Variants in MCTP1 observed in about 807,000 individuals in gnomAD.
MCTP1 encodes multiple C2 and transmembrane domain containing 1.
A neutral mutation model predicts 120.6 loss-of-function variants in MCTP1; 69 were observed. The ratio of observed to expected loss-of-function variants is 0.57; its 90% CI spans 0.47 to 0.70. MCTP1 has a LOEUF of 0.70. Ranked by LOEUF, MCTP1 falls within the 30% of genes least tolerant of loss-of-function variation. The pLI, the probability that MCTP1 is intolerant of heterozygous loss-of-function variation, is 0.00. For missense variants in MCTP1, 1,203 were observed against 1,248.8 expected (o/e 0.96, Z 0.55); for synonymous variants, 529 against 493.1 (o/e 1.07, Z -0.96).
At chr5:94,730,049 C>T (rs889980401) in intron 19 of MCTP1, among the ~76,000 whole-genome samples, 70 of 152,174 alleles carry the variant, frequency 4.6e-4, no homozygotes, top group African/African-American at 1.6e-3. Context: ...TGGATATATT[C>T]GGGATGTTTT....
At chr5:94,957,567 A>G (rs574393721) in intron 2 of MCTP1, among the ~76,000 whole-genome samples, 226 of 152,240 alleles carry the variant, frequency 1.5e-3, no homozygotes, top group African/African-American at 5.3e-3. Context: ...ATGGAGGAAG[A>G]TTTACCAAGA....
Position 94,707,486 on chromosome 5 carries a change from T to C in MCTP1, c.*10A>G. 2 of 1,607,420 alleles carry C rather than the reference T, an allele frequency of 1.2e-6. No individual in the cohort carries two copies. Among genetic ancestry groups the C allele is most frequent in the Non-Finnish European group, 1.7e-6 (2 of 1,174,582 alleles). Reference sequence around the variant, plus strand: ...AAACAGATGCTGGTCTCCTCAGTGCTGGGAGCTGGCTAGCCAAGATTGTTT... The same window carrying C: ...AAACAGATGCTGGTCTCCTCAGTGCCGGGAGCTGGCTAGCCAAGATTGTTT... On this transcript the variant is annotated 3_prime_UTR_variant, in exon 23 of 23. Transcript: ENST00000515393.
intron 1 of MCTP1, among the ~76,000 whole-genome samples, chr5:95,155,166 T>C (rs1390080166): frequency 6.6e-6 from 1 of 152,146 alleles, no homozygotes; most frequent in African/African-American, 2.4e-5. Flanking sequence ...TCATGCAGTA[T>C]ATGTAGAAGA....
intron 1 of MCTP1, among the ~76,000 whole-genome samples, chr5:95,279,908 G>C (rs967513131): frequency 1.3e-5 from 2 of 152,280 alleles, no homozygotes; most frequent in Admixed American, 6.5e-5. Context: ...TCTGAAGCTA[G>C]ACCAGTATAA....
intron 1 of MCTP1, among the ~76,000 whole-genome samples, chr5:95,219,391 A>AG (rs1753424429): frequency 6.6e-6 from 1 of 152,012 alleles, no homozygotes; most frequent in Non-Finnish European, 1.5e-5. Context: ...CAAAAAAAAA[A>AG]AAAAAAAATC....
At chr5:95,244,972 A>G (rs1312045514) in intron 1 of MCTP1, among the ~76,000 whole-genome samples, 1 of 152,174 alleles carries the variant, frequency 6.6e-6, no homozygotes, top group Non-Finnish European at 1.5e-5. Flanking sequence ...TGAAGCTTCC[A>G]GAGGAAGGAT....
intron 1 of MCTP1, among the ~76,000 whole-genome samples, chr5:95,147,663 C>G (rs1464058875): frequency 2.0e-5 from 3 of 152,116 alleles, no homozygotes; most frequent in Non-Finnish European, 4.4e-5. Context: ...GTTTGCCACT[C>G]TATGCTTTTT....
intron 17 of MCTP1, among the ~76,000 whole-genome samples, chr5:94,837,600 T>G (rs1475871525): frequency 6.6e-6 from 1 of 152,206 alleles, no homozygotes; most frequent in Non-Finnish European, 1.5e-5. Context: ...GAACAAAGCC[T>G]GGTACATGGT....
chr5:95,142,913 C>T (rs781240693), intron 1 of MCTP1, among the ~76,000 whole-genome samples: 1 of 152,126 alleles, frequency 6.6e-6, no homozygotes, highest in Non-Finnish European at 1.5e-5. Flanking sequence ...GAACAAACAG[C>T]TAGTGCTTTA....
chr5:94,875,022 G>C (rs915154921), intron 12 of MCTP1, among the ~76,000 whole-genome samples: 3 of 152,130 alleles, frequency 2.0e-5, no homozygotes, highest in African/African-American at 7.2e-5. Context: ...TGTTCTATTT[G>C]TTGGGGAAAC....
intron 1 of MCTP1, among the ~76,000 whole-genome samples, chr5:95,145,725 T>A (rs772631123): frequency 6.6e-6 from 1 of 152,176 alleles, no homozygotes; most frequent in Non-Finnish European, 1.5e-5. Flanking sequence ...CAACCTTGCA[T>A]CCCGGGAACA....
intron 1 of MCTP1, among the ~76,000 whole-genome samples, chr5:95,132,590 CTCG>C (rs36087992): frequency 0.02 from 3,102 of 152,316 alleles, 81 homozygotes; most frequent in East Asian, 0.11. Context: ...AGATCCCTGA[CTCG>C]TCGGCTCTGC....
At chr5:95,154,093 T>C (rs1436716412) in intron 1 of MCTP1, 1 of 152,260 alleles carries the variant, frequency 6.6e-6, no homozygotes, top group Non-Finnish European at 1.5e-5. Context: ...TATAACTACA[T>C]GTAGGAAGCC....
chr5:94,705,522 A>AC lies in MCTP1; in HGVS notation c.*1973_*1974insG, dbSNP rs1646265192. ...TCTGAACCACCAAAAAAAAAAAAAA[A>AC]AGGAGTGCTGATTATACGTGGGAAA... On this transcript the variant is annotated 3_prime_UTR_variant, in exon 23 of 23. Coordinates refer to ENST00000515393, the MANE Select transcript of MCTP1 (RefSeq NM_024717.7). 1 of 151,156 alleles carries AC rather than the reference A, an allele frequency of 6.6e-6. No individual in the cohort carries two copies. Among genetic ancestry groups the AC allele is most frequent in the African/African-American group, 2.4e-5 (1 of 41,220 alleles). The allele number at this position is 151,156 out of a possible 1,614,324, so 9.4% of individuals were successfully genotyped here.
intron 6 of MCTP1, chr5:94,930,742 A>C (rs1308925661): frequency 6.6e-6 from 1 of 152,226 alleles, no homozygotes; most frequent in Non-Finnish European, 1.5e-5. Flanking sequence ...ATATCCAATT[A>C]TATGAATTTA....
At chr5:94,838,679 G>A (rs181295396) in intron 17 of MCTP1, among the ~76,000 whole-genome samples, 5 of 152,310 alleles carry the variant, frequency 3.3e-5, no homozygotes, top group East Asian at 1.9e-4. Context: ...ATCCAGCACC[G>A]TCTAGCCAGA....
chr5:95,169,865 T>C (rs1746990452), intron 1 of MCTP1, among the ~76,000 whole-genome samples: 1 of 152,238 alleles, frequency 6.6e-6, no homozygotes, highest in African/African-American at 2.4e-5. Flanking sequence ...TCATTGATTT[T>C]TTTAAGGGTT....
intron 1 of MCTP1, among the ~76,000 whole-genome samples, chr5:95,259,136 C>T (rs1758209721): frequency 6.6e-6 from 1 of 152,196 alleles, no homozygotes; most frequent in African/African-American, 2.4e-5. Flanking sequence ...AAGCCAACCA[C>T]AGTCAATGTT....
chr5:94,900,167 C>A (rs1264995365), intron 10 of MCTP1, among the ~76,000 whole-genome samples: 1 of 152,224 alleles, frequency 6.6e-6, no homozygotes, highest in Non-Finnish European at 1.5e-5. Flanking sequence ...AACATCCATG[C>A]TAGAACGCAC....
Sources: gnomAD v4.1 joint callset for allele counts (sites outside exome capture counted in the v4.1 genomes callset) on GRCh38, gnomAD v4.1.1 for gene constraint, MANE v1.5 for transcripts, NCBI Gene and HGNC (gene_info 2026-07-23, HGNC 2026-07-21) for gene names.